Variants in GPHN observed in about 807,000 individuals in gnomAD.
GPHN encodes gephyrin.
A neutral mutation model predicts 95.5 loss-of-function variants in GPHN; 17 were observed. The ratio of observed to expected loss-of-function variants is 0.18; its 90% CI spans 0.12 to 0.27. GPHN has a LOEUF of 0.27. Among genes scored for constraint, GPHN ranks in the 10% least tolerant of loss-of-function variants. The probability of loss-of-function intolerance (pLI) is 1.00; values close to 1 mark genes in which losing one functional copy is unlikely to be tolerated. For missense variants in GPHN, 660 were observed against 978.1 expected (o/e 0.67, Z 4.34); for synonymous variants, 320 against 322.5 (o/e 0.99, Z 0.08).
At chr14:67,377,707 C>T in the GPHN span, among the ~76,000 whole-genome samples, 1 of 152,140 alleles carries the variant, frequency 6.6e-6, no homozygotes, top group Non-Finnish European at 1.5e-5. Context: ...TGCTTTTACT[C>T]CATCAGCATA....
Position 66,961,945 on chromosome 14 carries a change from T to TATAC in GPHN, c.829-3244_829-3241dup, listed in dbSNP as rs1413543759. Among the ~76,000 whole-genome samples the TATAC allele has an allele frequency of 1.7e-3, 136 of 79,080 alleles. 3 individuals are homozygous for TATAC. Among genetic ancestry groups the TATAC allele is most frequent in the Admixed American group, 5.8e-3 (37 of 6,344 alleles). 51.9% of individuals were successfully genotyped at this position (79,080 alleles called of 152,430 possible). ...ATATATATATATATATATATATATA[T>TATAC]ATACACATATCTCCCAGAAATTTAC... On this transcript the variant is annotated intron_variant, in intron 8 of 22. Transcript: ENST00000478722.
chr14:67,727,377 G>A, the GPHN span: 1 of 588,854 alleles, frequency 1.7e-6, no homozygotes, highest in South Asian at 1.9e-5. Context: ...TCAAATAGGG[G>A]TTAAGAACCT....
chr14:67,470,303 A>G, the GPHN span: 1 of 152,228 alleles, frequency 6.6e-6, no homozygotes, highest in African/African-American at 2.4e-5. Context: ...TATGTGCACA[A>G]ATGTGAAAAG....
chr14:66,777,817 C>T (rs1422464813), intron 3 of GPHN, among the ~76,000 whole-genome samples: 7 of 152,094 alleles, frequency 4.6e-5, no homozygotes, highest in South Asian at 2.1e-4. Flanking sequence ...ATTGATGGGA[C>T]GTATCTCAAA....
At chr14:67,595,150 T>G in the GPHN span, among the ~76,000 whole-genome samples, 1 of 148,646 alleles carries the variant, frequency 6.7e-6, no homozygotes, top group Non-Finnish European at 1.5e-5. Context: ...AAAATAAAAA[T>G]AAAAAAAATA....
the GPHN span, chr14:67,279,046 A>C: frequency 1.2e-6 from 1 of 868,232 alleles, no homozygotes; most frequent in Admixed American, 3.6e-5. Flanking sequence ...TTTTCATAGC[A>C]TTATTATGTG....
chr14:67,350,619 A>G, the GPHN span: 2 of 1,613,358 alleles, frequency 1.2e-6, no homozygotes, highest in African/African-American at 2.7e-5. Context: ...ACCTGAAGTC[A>G]CCTGCTGTGA....
chr14:66,513,255 A>G (rs2058110407), intron 1 of GPHN, among the ~76,000 whole-genome samples: 2 of 151,806 alleles, frequency 1.3e-5, no homozygotes, highest in African/African-American at 4.8e-5. Flanking sequence ...TTCAAAGTGA[A>G]TATACTTAAT....
chr14:67,423,676 G>A, the GPHN span, among the ~76,000 whole-genome samples: 1 of 152,178 alleles, frequency 6.6e-6, no homozygotes, highest in African/African-American at 2.4e-5. Context: ...AAGGAAGGGT[G>A]TAGAGCCTGA....
At chr14:67,577,603 G>A in the GPHN span, among the ~76,000 whole-genome samples, 752 of 152,300 alleles carry the variant, frequency 4.9e-3, 8 homozygotes, top group African/African-American at 0.017. Flanking sequence ...GCTCTGGAAC[G>A]TCATGCACAA....
chr14:67,309,379 AT>A, the GPHN span, among the ~76,000 whole-genome samples: 1 of 152,188 alleles, frequency 6.6e-6, no homozygotes, highest in Non-Finnish European at 1.5e-5. Flanking sequence ...AATTTTTCAG[AT>A]GTGAAATAAA....
At chr14:66,955,673 T>C (rs1326150511) in intron 8 of GPHN, among the ~76,000 whole-genome samples, 6 of 152,030 alleles carry the variant, frequency 3.9e-5, no homozygotes, top group Non-Finnish European at 7.4e-5. Context: ...TTACATTAGG[T>C]ATATATATCT....
chr14:67,383,597 C>T, the GPHN span: 2 of 1,079,702 alleles, frequency 1.9e-6, no homozygotes, highest in Admixed American at 2.1e-5. Context: ...CATGAAATGC[C>T]CTCCTAAATG....
At chr14:66,655,874 A>G (rs576735597) in intron 1 of GPHN, among the ~76,000 whole-genome samples, 16 of 152,102 alleles carry the variant, frequency 1.1e-4, no homozygotes, top group African/African-American at 3.9e-4. Context: ...TGTTTCTTCA[A>G]ACTGTTAATA....
chr14:67,036,504 C>CAG (rs928121783), intron 10 of GPHN, among the ~76,000 whole-genome samples: 1 of 126,990 alleles, frequency 7.9e-6, no homozygotes, highest in African/African-American at 2.7e-5. Context: ...CATACATGCA[C>CAG]ACACACACAC....
intron 17 of GPHN, among the ~76,000 whole-genome samples, chr14:67,129,328 C>T (rs1462571029): frequency 6.6e-6 from 1 of 151,988 alleles, no homozygotes; most frequent in African/African-American, 2.4e-5. Flanking sequence ...TAAGTAAGAG[C>T]TATTAATACT....
chr14:67,345,491 G>A, the GPHN span, among the ~76,000 whole-genome samples: 1 of 152,006 alleles, frequency 6.6e-6, no homozygotes, highest in South Asian at 2.1e-4. Flanking sequence ...GGAGGCAGAG[G>A]TTGCAGTGAG....
the GPHN span, among the ~76,000 whole-genome samples, chr14:67,389,330 CAGGAGAGTCCTGTCCTGGAT>C: frequency 6.6e-6 from 1 of 152,036 alleles, no homozygotes; most frequent in Admixed American, 6.5e-5. Context: ...TCAGGGAGGA[CAGGAGAGTCCTGTCCTGGAT>C]AGGAGAGTAG....
chr14:66,795,737 G>A (rs998796797), intron 3 of GPHN, among the ~76,000 whole-genome samples: 2 of 151,742 alleles, frequency 1.3e-5, no homozygotes, highest in Middle Eastern at 3.4e-3. Flanking sequence ...ATATTTATAG[G>A]GCACATGAGA....
Sources: gnomAD v4.1 joint callset for allele counts (sites outside exome capture counted in the v4.1 genomes callset) on GRCh38, gnomAD v4.1.1 for gene constraint, MANE v1.5 for transcripts, NCBI Gene and HGNC (gene_info 2026-07-23, HGNC 2026-07-21) for gene names.